Variants in YWHAB observed in about 807,000 individuals in gnomAD.
YWHAB encodes tyrosine 3-monooxygenase/tryptophan 5-monooxygenase activation protein beta.
Under a neutral mutation model 28.5 loss-of-function variants are expected in YWHAB, and 2 were observed. The ratio of observed to expected loss-of-function variants is 0.07; its 90% CI spans 0.03 to 0.22. The LOEUF (loss-of-function observed/expected upper bound fraction) is 0.22. YWHAB is among the 10% of genes least tolerant of loss of function. YWHAB has a pLI of 1.00. For missense variants in YWHAB, 148 were observed against 297.1 expected, an observed-to-expected ratio of 0.50 and a Z score of 3.69; for synonymous variants, 103 against 104.7, an observed-to-expected ratio of 0.98 and a Z score of 0.10.
At chr20:44,906,119 TTA>T in intron 5 of YWHAB, 23 bp downstream of exon 5, 1 of 1,365,356 alleles carries the variant, frequency 7.3e-7, no homozygotes, top group South Asian at 1.2e-5. Context: ...TCCACAGGGT[TTA>T]TAGTCTCTTT....
intron 1 of YWHAB, among the ~76,000 whole-genome samples, chr20:44,897,737 G>A (rs1601093165): frequency 3.3e-5 from 5 of 152,318 alleles, no homozygotes; most frequent in Admixed American, 3.3e-4. Context: ...CAGATATGGA[G>A]GGCCAACTAT....
intron 3 of YWHAB, among the ~76,000 whole-genome samples, chr20:44,904,401 C>T (rs562514140): frequency 2.2e-4 from 34 of 152,150 alleles, no homozygotes; most frequent in Non-Finnish European, 4.3e-4. Flanking sequence ...ACTTTTTATA[C>T]TTGGTGGTAC....
intron 1 of YWHAB, among the ~76,000 whole-genome samples, chr20:44,894,044 T>TTC (rs1169031404): frequency 6.6e-6 from 1 of 152,186 alleles, no homozygotes; most frequent in Admixed American, 6.5e-5. Context: ...ATATTTAGAT[T>TTC]TGCTTCCATT....
At chr20:44,900,643 A>T (rs771813012) in intron 1 of YWHAB, among the ~76,000 whole-genome samples, 1 of 152,236 alleles carries the variant, frequency 6.6e-6, no homozygotes. Context: ...TGGAAAAAAC[A>T]GGTTTAGTCA....
intron 1 of YWHAB, among the ~76,000 whole-genome samples, chr20:44,892,720 G>C (rs1194033120): frequency 6.6e-6 from 1 of 152,092 alleles, no homozygotes; most frequent in African/African-American, 2.4e-5. Context: ...TATCTTATTT[G>C]ATAGCTATTA....
intron 1 of YWHAB, among the ~76,000 whole-genome samples, chr20:44,889,334 A>G (rs1178056856): frequency 6.6e-6 from 1 of 152,218 alleles, no homozygotes. Context: ...CTGAAGGCCA[A>G]TCATCTTACT....
intron 1 of YWHAB, among the ~76,000 whole-genome samples, chr20:44,897,641 A>G (rs1297075106): frequency 1.3e-5 from 2 of 152,260 alleles, no homozygotes; most frequent in African/African-American, 4.8e-5. Flanking sequence ...TGGGGATACC[A>G]AAATCTGAAG....
chr20:44,905,932 G>A (rs894624112), intron 4 of YWHAB, 69 bp from the exon 5 acceptor site: 15 of 1,235,140 alleles, frequency 1.2e-5, no homozygotes, highest in Non-Finnish European at 1.6e-5. Context: ...TTCACCTAGC[G>A]GGAAAAAAAG....
At chr20:44,891,230 A>G (rs1016661548) in intron 1 of YWHAB, among the ~76,000 whole-genome samples, 18 of 151,854 alleles carry the variant, frequency 1.2e-4, no homozygotes, top group East Asian at 3.9e-4. Flanking sequence ...CAGCCTCCCA[A>G]TTAGCTGGGA....
rs202017858 is a variant in YWHAB, at chr20:44,900,784, C to CT, written c.-3-738dup. Among the ~76,000 whole-genome samples, 829 of 151,694 alleles carry CT rather than the reference C, an allele frequency of 5.5e-3. 4 individuals are homozygous for CT. The highest frequency in any genetic ancestry group is 0.019 in the African/African-American group (780 of 41,352). On this transcript the variant is annotated intron_variant, in intron 1 of 5. Transcript: ENST00000353703. Reference sequence around the variant, plus strand: ...AGGACATATATATAGTAAGCATAAACTTTTTTTTTGAGATGGAGTCTCACT... The same window carrying CT: ...AGGACATATATATAGTAAGCATAAACTTTTTTTTTTGAGATGGAGTCTCACT...
chr20:44,900,845 G>A (rs569881952), intron 1 of YWHAB, among the ~76,000 whole-genome samples: 4 of 152,072 alleles, frequency 2.6e-5, no homozygotes, highest in African/African-American at 7.2e-5. Flanking sequence ...GCGTGATCTC[G>A]GCCCACTGCA....
At chr20:44,902,099 A>G in intron 2 of YWHAB, 1 of 338,406 alleles carries the variant, frequency 3.0e-6, no homozygotes, top group South Asian at 7.4e-5. Context: ...GCCTCCCTCC[A>G]TCTTTTAAAA....
intron 1 of YWHAB, among the ~76,000 whole-genome samples, chr20:44,892,846 C>T (rs187143057): frequency 4.6e-5 from 7 of 152,322 alleles, no homozygotes; most frequent in Admixed American, 2.0e-4. Context: ...TTGCTAAAAG[C>T]AGACCCCACC....
At chr20:44,901,931 G>A in intron 2 of YWHAB, 98 bp downstream of exon 2, 1 of 1,349,326 alleles carries the variant, frequency 7.4e-7, no homozygotes, top group Non-Finnish European at 9.8e-7. Context: ...AGAGAGAGGT[G>A]TCTGAATATA....
In YWHAB at chr20:44,908,166, GAAA is replaced by G. The variant is rs536521359; in HGVS notation, c.*1733_*1735del. 1.7e-5 allele frequency: 2 copies of G among 120,396 alleles called. No individual in the cohort carries two copies. The highest frequency in any genetic ancestry group is 3.8e-5 in the African/African-American group (1 of 26,430). The allele number at this position is 120,396 out of a possible 1,614,324, so 7.5% of individuals were successfully genotyped here. A position where few individuals can be genotyped will look rare whatever the true frequency, so the allele number is the denominator to read the frequency against. On this transcript the variant is annotated 3_prime_UTR_variant, in exon 6 of 6. Transcript: ENST00000353703. ...TGATTTAAAACAAACCAAAAAAAAAGAAAAAAACAAAAAAAAAAATCCCTCCTT... is the reference window on the plus strand; with the variant it reads ...TGATTTAAAACAAACCAAAAAAAAAGAAAACAAAAAAAAAAATCCCTCCTT...
In YWHAB at chr20:44,906,501, CGA is replaced by C; in HGVS notation, c.*64_*65del. ...GTACCCTCAACATATATCCCTTGTG[CGA>C]TAAAAAAAAAAAAAAAAAAAAAAAG... On this transcript the variant is annotated 3_prime_UTR_variant, in exon 6 of 6. Coordinates refer to ENST00000353703, the MANE Select transcript of YWHAB (RefSeq NM_139323.4). 1.2e-5 allele frequency: 7 copies of C among 563,722 alleles called. No individual in the cohort carries two copies. The highest frequency in any genetic ancestry group is 5.0e-5 in the South Asian group (1 of 19,914). 34.9% of individuals were successfully genotyped at this position (563,722 alleles called of 1,614,324 possible).
At chr20:44,900,071 A>G (rs1420855249) in intron 1 of YWHAB, among the ~76,000 whole-genome samples, 3 of 151,632 alleles carry the variant, frequency 2.0e-5, no homozygotes, top group Non-Finnish European at 2.9e-5. Context: ...TTTTAGAGAC[A>G]GGGGTCTCAG....
chr20:44,885,850 G>T lies in YWHAB; in HGVS notation c.-40G>T, dbSNP rs1032537042. On this transcript the variant is annotated 5_prime_UTR_variant, in exon 1 of 6. Coordinates refer to ENST00000353703, the MANE Select transcript of YWHAB (RefSeq NM_139323.4). ...AAGAGGTCATCTCGCTCGGAGCTTC[G>T]CTCGGAAGGGTCTTTGTTCCCTGCA... is the stretch of plus-strand genomic sequence containing the variant. 7 of 154,902 alleles carry T rather than the reference G, an allele frequency of 4.5e-5. No individual in the cohort carries two copies. The highest frequency in any genetic ancestry group is 1.7e-4 in the African/African-American group (7 of 41,572). 9.6% of individuals were successfully genotyped at this position (154,902 alleles called of 1,614,324 possible). A position where few individuals can be genotyped will look rare whatever the true frequency, so the allele number is the denominator to read the frequency against.
intron 1 of YWHAB, among the ~76,000 whole-genome samples, chr20:44,899,988 C>G (rs575042798): frequency 6.6e-5 from 10 of 152,038 alleles, no homozygotes; most frequent in Non-Finnish European, 1.5e-4. Flanking sequence ...TTTAAGGTGC[C>G]TTCACATGTA....
Sources: allele counts gnomAD v4.1 joint callset (sites outside exome capture counted in the v4.1 genomes callset), GRCh38; gene constraint gnomAD v4.1.1; transcripts MANE v1.5; gene names NCBI Gene and HGNC (gene_info 2026-07-23, HGNC 2026-07-21).